Variants in LIMCH1 observed in about 807,000 individuals in gnomAD.
The protein encoded by LIMCH1 is LIM and calponin homology domains-containing protein 1.
LIMCH1 carries 113 observed loss-of-function variants against 176.5 expected under a neutral mutation model. That is an observed-to-expected ratio of 0.64 (90% CI 0.55 to 0.75). The LOEUF is 0.75. LIMCH1 is among the 30% of genes least tolerant of loss of function. The pLI is 0.00. For synonymous variants in LIMCH1, 619 were observed against 645.9 expected (o/e 0.96, Z 0.63); for missense variants, 1,674 against 1,814.9 (o/e 0.92, Z 1.41).
intron 2 of LIMCH1, among the ~76,000 whole-genome samples, chr4:41,506,514 A>G (rs1285981988): frequency 1.3e-5 from 2 of 152,194 alleles, no homozygotes; most frequent in East Asian, 3.9e-4. Flanking sequence ...CAAAAGTTTT[A>G]TGATGTGCTT....
chr4:41,433,676 C>CTTT (rs35230578), intron 1 of LIMCH1, among the ~76,000 whole-genome samples: 142 of 130,278 alleles, frequency 1.1e-3, no homozygotes, highest in Non-Finnish European at 1.8e-3. Context: ...TGTTAGTCTT[C>CTTT]TTTTTTTTTT....
chr4:41,570,655 A>G (rs978456859), intron 1 of LIMCH1, among the ~76,000 whole-genome samples: 1 of 152,208 alleles, frequency 6.6e-6, no homozygotes, highest in Non-Finnish European at 1.5e-5. Context: ...TGGCAAAGAA[A>G]TGTTTAGTAG....
chr4:41,492,865 AT>A (rs2071345736), intron 1 of LIMCH1, among the ~76,000 whole-genome samples: 1 of 152,066 alleles, frequency 6.6e-6, no homozygotes, highest in South Asian at 2.1e-4. Flanking sequence ...TTATCAAATG[AT>A]TTTATTTCTG....
At chr4:41,412,738 G>A (rs1449886037) in intron 1 of LIMCH1, among the ~76,000 whole-genome samples, 1 of 152,146 alleles carries the variant, frequency 6.6e-6, no homozygotes, top group Non-Finnish European at 1.5e-5. Flanking sequence ...GGACAGAGCT[G>A]GGATTGAAAC....
intron 1 of LIMCH1, among the ~76,000 whole-genome samples, chr4:41,570,096 G>A (rs1299599557): frequency 1.3e-5 from 2 of 152,196 alleles, no homozygotes; most frequent in Non-Finnish European, 1.5e-5. Context: ...TTAGGTATGA[G>A]TGTCACCATG....
Position 41,699,282 on chromosome 4 carries a change from C to G in LIMCH1, c.*2097C>G, listed in dbSNP as rs1282600288. ...TTCACAAACCCATTTATACATATTT[C>G]TTAGTGAGGCTCATTGTACATGTAT... On this transcript the variant is annotated 3_prime_UTR_variant, in exon 32 of 32. Coordinates refer to ENST00000503057, the MANE Select transcript of LIMCH1 (RefSeq NM_001330672.2). 6.6e-6 allele frequency: 1 copy of G among 152,106 alleles called. No homozygotes were observed. Among genetic ancestry groups the G allele is most frequent in the Non-Finnish European group, 1.5e-5 (1 of 68,028 alleles). 9.4% of individuals were successfully genotyped at this position (152,106 alleles called of 1,614,324 possible).
intron 26 of LIMCH1, among the ~76,000 whole-genome samples, chr4:41,682,865 T>A (rs1171119274): frequency 6.6e-6 from 1 of 151,938 alleles, no homozygotes; most frequent in Non-Finnish European, 1.5e-5. Flanking sequence ...TTAGTAGAGA[T>A]GGGGTTTCGT....
At chr4:41,518,721 T>C (rs2075829840) in intron 2 of LIMCH1, among the ~76,000 whole-genome samples, 2 of 152,166 alleles carry the variant, frequency 1.3e-5, no homozygotes, top group South Asian at 4.1e-4. Flanking sequence ...TGTCCTAATG[T>C]TCTGCCTCTT....
Position 41,671,582 on chromosome 4 carries a change from T to C in LIMCH1, c.3426T>C (p.Pro1142=), listed in dbSNP as rs747048454. 1 of 1,601,866 alleles carries C rather than the reference T, an allele frequency of 6.2e-7. No individual in the cohort carries two copies. Among genetic ancestry groups the C allele is most frequent in the East Asian group, 2.2e-5 (1 of 44,852 alleles). ...QVDSPSSEKS[P]VMTPFKFWAW... The stretch of plus-strand genomic sequence containing the variant: ...ATTCTCCAAGCAGTGAGAAGTCACC[T>C]GTTATGACACCTGTAAGTCACTCAT... The change falls in exon 22 of 32, where the codon CCT becomes CCC. Residue 1142 remains proline, a synonymous_variant. Transcript: ENST00000503057.
At chr4:41,504,795 AC>A (rs1477176603) in intron 2 of LIMCH1, among the ~76,000 whole-genome samples, 1 of 152,108 alleles carries the variant, frequency 6.6e-6, no homozygotes, top group African/African-American at 2.4e-5. Flanking sequence ...GCCAGTTCAA[AC>A]CCTTTTATGA....
intron 21 of LIMCH1, among the ~76,000 whole-genome samples, chr4:41,668,768 T>C (rs1018357286): frequency 6.6e-6 from 1 of 152,200 alleles, no homozygotes. Flanking sequence ...AGAGGCTTCA[T>C]TGACTCATAG....
Position 41,650,411 on chromosome 4 carries a change from G to T in LIMCH1, c.2839G>T (p.Val947Leu), listed in dbSNP as rs779796951. The T allele has an allele frequency of 1.2e-6, 2 of 1,613,908 alleles. No homozygotes were observed. The highest frequency in any genetic ancestry group is 2.7e-5 in the African/African-American group (2 of 74,904). The stretch of plus-strand genomic sequence containing the variant: ...TTTATAGGTAGACGGGAAAGTCAGT[G>T]TGAATGGAGAGACGGTTCATAGAGA... ...KTFKVDGKVSVNGETVHREEE... is the reference protein window; with the variant it reads ...KTFKVDGKVSLNGETVHREEE... The change falls in exon 18 of 32, where the codon GTG becomes TTG. Residue 947 changes from valine to leucine, a missense_variant. By Grantham distance (32) the Val-to-Leu change is conservative. This residue lies in a region of LIMCH1 where 1,015 missense variants were observed against 1,102.5 expected (regional missense o/e 0.92). Transcript: ENST00000503057.
At chr4:41,662,787 C>G (rs918869855) in intron 19 of LIMCH1, 34 bp from the exon 20 acceptor site, 1 of 1,547,354 alleles carries the variant, frequency 6.5e-7, no homozygotes, top group East Asian at 3.0e-5. Flanking sequence ...TTTTCTTTTC[C>G]TTCTGTACGT....
At chr4:41,682,124 C>A (rs1238647970) in intron 25 of LIMCH1, among the ~76,000 whole-genome samples, 1 of 152,160 alleles carries the variant, frequency 6.6e-6, no homozygotes, top group Admixed American at 6.5e-5. Context: ...CTAATCAATT[C>A]CCTTTTGTGA....
intron 1 of LIMCH1, among the ~76,000 whole-genome samples, chr4:41,395,559 A>G (rs1399344329): frequency 6.6e-6 from 1 of 152,032 alleles, no homozygotes; most frequent in East Asian, 1.9e-4. Flanking sequence ...TTTTAGTGAT[A>G]GTATAATTGT....
chr4:41,481,527 C>A (rs6844857), intron 1 of LIMCH1, among the ~76,000 whole-genome samples: 1 of 152,016 alleles, frequency 6.6e-6, no homozygotes, highest in African/African-American at 2.4e-5. Context: ...AGAAAGATCC[C>A]TGGATGCTGT....
At position 41,604,160 on chromosome 4, in the gene LIMCH1, A is replaced by G. The variant is rs370678060; in HGVS notation, c.-103+255A>G. The stretch of plus-strand genomic sequence containing the variant: ...ACAAGTGAAAGCTTGTACTCTGTTT[A>G]TGATTCAGTTTCTTAAACACAAAAT... On this transcript the variant is annotated intron_variant, in intron 3 of 31. Coordinates refer to ENST00000503057, the MANE Select transcript of LIMCH1 (RefSeq NM_001330672.2). The G allele has an allele frequency of 2.2e-5, 21 of 973,218 alleles. No individual in the cohort carries two copies. The East Asian group carries it at 3.4e-4, about 16-fold the overall frequency. 60.3% of individuals were successfully genotyped at this position (973,218 alleles called of 1,614,324 possible). A position where few individuals can be genotyped will look rare whatever the true frequency, so the allele number is the denominator to read the frequency against.
intron 1 of LIMCH1, among the ~76,000 whole-genome samples, chr4:41,550,562 G>A (rs1448665733): frequency 2.0e-5 from 3 of 152,050 alleles, no homozygotes; most frequent in Non-Finnish European, 2.9e-5. Flanking sequence ...TTGTATAAAT[G>A]TTAAGTGCCA....
intron 29 of LIMCH1, among the ~76,000 whole-genome samples, chr4:41,689,245 C>T (rs2153076774): frequency 6.6e-6 from 1 of 152,232 alleles, no homozygotes; most frequent in East Asian, 1.9e-4. Flanking sequence ...TTTGAATAGA[C>T]TACAACACAA....
Sources: allele counts gnomAD v4.1 joint callset (sites outside exome capture counted in the v4.1 genomes callset), GRCh38; gene constraint gnomAD v4.1.1; regional missense constraint gnomAD v4.1.1; transcripts MANE v1.5; gene names NCBI Gene and HGNC (gene_info 2026-07-23, HGNC 2026-07-21).